Variants in METAP1D observed in about 807,000 individuals in gnomAD.
The protein encoded by METAP1D is methionine aminopeptidase 1D, mitochondrial.
In METAP1D, 31 loss-of-function variants were observed where a neutral mutation model predicts 40.5. The observed-to-expected ratio is 0.77, with a 90% confidence interval of 0.58 to 1.03. The LOEUF is 1.03. Among genes scored for constraint, METAP1D ranks in the 50% least tolerant of loss-of-function variants. The probability of loss-of-function intolerance (pLI) is 0.00; values close to 1 mark genes in which losing one functional copy is unlikely to be tolerated. For missense variants in METAP1D, 411 were observed against 420.7 expected (o/e 0.98, Z 0.20); for synonymous variants, 151 against 146.4 (o/e 1.03, Z -0.22).
chr2:172,049,408 CATATTT>C (rs1689839315), intron 1 of METAP1D, among the ~76,000 whole-genome samples: 1 of 150,386 alleles, frequency 6.6e-6, no homozygotes, highest in Non-Finnish European at 1.5e-5. Context: ...TACTTATATA[CATATTT>C]ATATTTATGT....
intron 1 of METAP1D, among the ~76,000 whole-genome samples, chr2:172,055,209 G>A (rs144572315): frequency 1.3e-5 from 2 of 152,324 alleles, no homozygotes; most frequent in Admixed American, 6.5e-5. Flanking sequence ...ATGAATGATA[G>A]TGTGTGGGAG....
intron 1 of METAP1D, among the ~76,000 whole-genome samples, chr2:172,045,626 A>G (rs1574122128): frequency 7.4e-6 from 1 of 135,196 alleles, no homozygotes; most frequent in South Asian, 2.3e-4. Context: ...GTGCCATTGC[A>G]CTCCAGCCTG....
chr2:172,004,093 A>G (rs963925961), intron 1 of METAP1D, among the ~76,000 whole-genome samples: 28 of 151,998 alleles, frequency 1.8e-4, no homozygotes, highest in Middle Eastern at 3.2e-3. Flanking sequence ...TAACAAATAT[A>G]AAAAAAACTT....
chr2:172,046,325 C>T (rs997154915), intron 1 of METAP1D, among the ~76,000 whole-genome samples: 4 of 151,862 alleles, frequency 2.6e-5, no homozygotes, highest in Non-Finnish European at 5.9e-5. Flanking sequence ...ATACTGTTGA[C>T]CCATTTAAAT....
At chr2:172,080,085 G>A (rs1690663704) in intron 8 of METAP1D, 43 bp from the exon 9 acceptor site, 2 of 1,519,578 alleles carry the variant, frequency 1.3e-6, no homozygotes, top group South Asian at 2.3e-5. Flanking sequence ...TGTTTAACAA[G>A]AATCTGATGA....
chr2:172,004,013 G>T (rs1000899966), intron 1 of METAP1D, among the ~76,000 whole-genome samples: 1 of 151,976 alleles, frequency 6.6e-6, no homozygotes, highest in African/African-American at 2.4e-5. Context: ...CAAGTGATCC[G>T]CCTGCCTCAG....
chr2:172,003,951 A>G (rs1688524536), intron 1 of METAP1D, among the ~76,000 whole-genome samples: 3 of 152,022 alleles, frequency 2.0e-5, no homozygotes, highest in African/African-American at 7.3e-5. Context: ...TTTTAAGTAG[A>G]CACGGGGTTT....
At chr2:172,012,565 C>A (rs1172306060) in intron 1 of METAP1D, among the ~76,000 whole-genome samples, 1 of 152,180 alleles carries the variant, frequency 6.6e-6, no homozygotes. Context: ...AGATGCTGCA[C>A]TTTAAAGAAA....
chr2:172,069,375 A>G (rs1332606265), intron 5 of METAP1D, among the ~76,000 whole-genome samples: 2 of 152,334 alleles, frequency 1.3e-5, no homozygotes, highest in South Asian at 2.1e-4. Flanking sequence ...ATTTTGAATG[A>G]AATCGTATTT....
At chr2:172,023,757 G>A (rs776964442) in intron 1 of METAP1D, among the ~76,000 whole-genome samples, 8 of 152,068 alleles carry the variant, frequency 5.3e-5, no homozygotes, top group Non-Finnish European at 1.0e-4. Context: ...CAAAAAAGAT[G>A]GGTGAATGGA....
intron 1 of METAP1D, among the ~76,000 whole-genome samples, chr2:172,024,957 A>AG (rs1689092866): frequency 6.6e-6 from 1 of 152,214 alleles, no homozygotes; most frequent in Admixed American, 6.5e-5. Flanking sequence ...CAATTCCTTC[A>AG]GGGTCTCATA....
chr2:172,073,687 C>T (rs940736660), intron 6 of METAP1D, among the ~76,000 whole-genome samples: 15 of 152,210 alleles, frequency 9.9e-5, no homozygotes, highest in African/African-American at 3.6e-4. Context: ...TGTTTCTGGA[C>T]ACCTATTATC....
At chr2:172,059,719 A>AC (rs1448849212) in intron 1 of METAP1D, among the ~76,000 whole-genome samples, 2 of 152,136 alleles carry the variant, frequency 1.3e-5, no homozygotes, top group Non-Finnish European at 2.9e-5. Flanking sequence ...TAGTTTTCTG[A>AC]CCCCTGCCAT....
At chr2:172,036,608 G>A (rs12989544) in intron 1 of METAP1D, among the ~76,000 whole-genome samples, 41,711 of 151,602 alleles carry the variant, frequency 0.28, 6,631 homozygotes, top group Middle Eastern at 0.4. Context: ...CTCGTGATCC[G>A]CCTGTCTCGG....
At position 172,035,147 on chromosome 2, in the gene METAP1D, GT is replaced by G. The variant is rs539548685; in HGVS notation, c.41-26341del. 4.3e-3 allele frequency among the ~76,000 whole-genome samples: 629 copies of G among 147,746 alleles called. 4 individuals are homozygous for G. Among genetic ancestry groups the G allele is most frequent in the African/African-American group, 0.013 (544 of 40,680 alleles). On this transcript the variant is annotated intron_variant, in intron 1 of 9. Coordinates refer to ENST00000315796, the MANE Select transcript of METAP1D (RefSeq NM_199227.3). ...AATACCTATGTAACTACTGTACTGTGTTTTTTTTTTGTTTGTTTGTTTGTTT... is the reference window on the plus strand; with the variant it reads ...AATACCTATGTAACTACTGTACTGTGTTTTTTTTTGTTTGTTTGTTTGTTT...
At chr2:172,022,927 C>A (rs1689038249) in intron 1 of METAP1D, among the ~76,000 whole-genome samples, 1 of 152,252 alleles carries the variant, frequency 6.6e-6, no homozygotes, top group Admixed American at 6.5e-5. Flanking sequence ...GGCTTAACAT[C>A]TGTAATCCCA....
At chr2:172,065,457 A>T in intron 3 of METAP1D, 147 bp from the exon 4 acceptor site, 1 of 790,882 alleles carries the variant, frequency 1.3e-6, no homozygotes, top group East Asian at 2.6e-5. Context: ...TCTAACACTA[A>T]TCATAATTAA....
At chr2:172,061,124 A>G (rs932667250) in intron 1 of METAP1D, among the ~76,000 whole-genome samples, 1 of 152,212 alleles carries the variant, frequency 6.6e-6, no homozygotes, top group Admixed American at 6.5e-5. Context: ...ACGGCTTTAC[A>G]GAGTATAAAG....
At chr2:172,080,002 C>A in intron 8 of METAP1D, 126 bp from the exon 9 acceptor site, 1 of 756,686 alleles carries the variant, frequency 1.3e-6, no homozygotes, top group Non-Finnish European at 2.2e-6. Context: ...AAGATGACAA[C>A]ATGAGCCTGT....
Sources: gnomAD v4.1 joint callset for allele counts (sites outside exome capture counted in the v4.1 genomes callset) on GRCh38, gnomAD v4.1.1 for gene constraint, MANE v1.5 for transcripts, NCBI Gene and HGNC (gene_info 2026-07-23, HGNC 2026-07-21) for gene names.